Variants in CSNK1G3 observed in about 807,000 individuals in gnomAD.
The protein encoded by CSNK1G3 is casein kinase I isoform gamma-3.
A neutral mutation model predicts 64.3 loss-of-function variants in CSNK1G3; 23 were observed. The ratio of observed to expected loss-of-function variants is 0.36; its 90% confidence interval spans 0.26 to 0.51. The LOEUF (loss-of-function observed/expected upper bound fraction) is 0.51. Ranked by LOEUF, CSNK1G3 falls within the 20% of genes least tolerant of loss-of-function variation. The pLI, the probability that CSNK1G3 is intolerant of heterozygous loss-of-function variation, is 0.96. For missense variants in CSNK1G3, 357 were observed against 510.5 expected (o/e 0.70, Z 2.90); for synonymous variants, 158 against 162.2 (o/e 0.97, Z 0.20).
chr5:123,614,317 A>G (rs1176119295), intron 12 of CSNK1G3, 25 bp from the exon 14 acceptor site: 1 of 1,602,538 alleles, frequency 6.2e-7, no homozygotes, highest in Non-Finnish European at 8.5e-7. Context: ...TTTTAAAATA[A>G]AAAGAGTGTT....
chr5:123,531,043 A>G (rs1779844752), intron 1 of CSNK1G3, among the ~76,000 whole-genome samples: 1 of 152,096 alleles, frequency 6.6e-6, no homozygotes, highest in Non-Finnish European at 1.5e-5. Context: ...TATAATTTTT[A>G]TTGAGACTGA....
In CSNK1G3 at chr5:123,588,059, G is replaced by A. The variant is rs948984554; in HGVS notation, c.674-9G>A. On this transcript the variant is annotated splice_polypyrimidine_tract_variant and intron_variant, in intron 6 of 12. Transcript: ENST00000345990. ...GAAAAGTGAAATTTATATTTCTTTT[G>A]TATTTCAGAACAAAGTAGAAGAGAC... The A allele has an allele frequency of 6.6e-7, 1 of 1,512,750 alleles. No individual in the cohort carries two copies. Among genetic ancestry groups the A allele is most frequent in the Non-Finnish European group, 9.0e-7 (1 of 1,115,848 alleles). The allele number at this position is 1,512,750 out of a possible 1,614,324, so 93.7% of individuals were successfully genotyped here.
chr5:123,570,118 A>G (rs10052983), intron 4 of CSNK1G3, among the ~76,000 whole-genome samples: 36,352 of 152,032 alleles, frequency 0.24, 5,175 homozygotes, highest in East Asian at 0.5. Context: ...TCCCATAAAG[A>G]TATAGTATAT....
intron 12 of CSNK1G3, among the ~76,000 whole-genome samples, chr5:123,608,044 C>T (rs1795662970): frequency 6.6e-6 from 1 of 152,042 alleles, no homozygotes; most frequent in Non-Finnish European, 1.5e-5. Flanking sequence ...ATTTTCCTGC[C>T]CCAGCCCCCC....
intron 9 of CSNK1G3, 25 bp from the exon 10 acceptor site, chr5:123,591,294 G>A (rs371136920): frequency 6.0e-5 from 86 of 1,425,292 alleles, no homozygotes; most frequent in Middle Eastern, 1.8e-4. Context: ...GGAATGTATT[G>A]ATACCAATTG....
At chr5:123,591,476 T>G (rs1792350579) in intron 10 of CSNK1G3, 62 bp downstream of exon 10, 1 of 1,028,074 alleles carries the variant, frequency 9.7e-7, no homozygotes, top group East Asian at 2.6e-5. Context: ...ACTTTTTTCT[T>G]CAATAGATAA....
intron 1 of CSNK1G3, among the ~76,000 whole-genome samples, chr5:123,527,094 T>G (rs1779227150): frequency 6.6e-6 from 1 of 152,172 alleles, no homozygotes; most frequent in South Asian, 2.1e-4. Context: ...TTTGTTAGCT[T>G]GATTGCACAC....
At chr5:123,561,305 G>C (rs918714423) in intron 4 of CSNK1G3, among the ~76,000 whole-genome samples, 1 of 152,208 alleles carries the variant, frequency 6.6e-6, no homozygotes, top group African/African-American at 2.4e-5. Flanking sequence ...TCAGCACATA[G>C]ATGGTTTTTA....
At chr5:123,542,370 T>G (rs970572835) in intron 1 of CSNK1G3, among the ~76,000 whole-genome samples, 6 of 152,190 alleles carry the variant, frequency 3.9e-5, no homozygotes, top group Non-Finnish European at 8.8e-5. Context: ...ACTAAGAAAT[T>G]GTTTATGCTT....
At chr5:123,532,371 ATT>A (rs1307922109) in intron 1 of CSNK1G3, among the ~76,000 whole-genome samples, 1 of 151,842 alleles carries the variant, frequency 6.6e-6, no homozygotes, top group Non-Finnish European at 1.5e-5. Context: ...GCCCTAAATA[ATT>A]TTTTATAACA....
intron 10 of CSNK1G3, among the ~76,000 whole-genome samples, chr5:123,597,491 C>G (rs764023188): frequency 2.6e-5 from 4 of 152,086 alleles, no homozygotes; most frequent in Non-Finnish European, 2.9e-5. Context: ...TCATTGCAGT[C>G]TTTTCCTTGG....
chr5:123,595,743 T>G (rs1793317724), intron 10 of CSNK1G3, among the ~76,000 whole-genome samples: 1 of 152,064 alleles, frequency 6.6e-6, no homozygotes, highest in Non-Finnish European at 1.5e-5. Context: ...TTATTTATGA[T>G]TTGTTTCTTT....
chr5:123,525,855 G>A lies in CSNK1G3; in HGVS notation c.-248+13285G>A, dbSNP rs1384557454. On this transcript the variant is annotated intron_variant, in intron 1 of 12. Transcript: ENST00000345990. ...AAAAAAACAAACAAAAAAATTAGTCGGGCGTGGTGGCGGGCGCCTGTAGTC... is the reference window on the plus strand; with the variant it reads ...AAAAAAACAAACAAAAAAATTAGTCAGGCGTGGTGGCGGGCGCCTGTAGTC... Among the ~76,000 whole-genome samples, 8 of 151,642 alleles carry A rather than the reference G, an allele frequency of 5.3e-5. 1 individual carries two copies. The highest frequency in any genetic ancestry group is 7.3e-5 in the African/African-American group (3 of 41,306).
At chr5:123,528,172 C>T (rs1007984994) in intron 1 of CSNK1G3, among the ~76,000 whole-genome samples, 3 of 152,084 alleles carry the variant, frequency 2.0e-5, no homozygotes, top group Non-Finnish European at 2.9e-5. Context: ...TTGTGACCTC[C>T]TTTAGTGAAT....
At chr5:123,551,002 A>C (rs1465989469) in intron 2 of CSNK1G3, among the ~76,000 whole-genome samples, 1 of 152,206 alleles carries the variant, frequency 6.6e-6, no homozygotes, top group African/African-American at 2.4e-5. Flanking sequence ...CAAAGGTATG[A>C]AAGCCAACAA....
At chr5:123,519,174 A>T (rs147758070) in intron 1 of CSNK1G3, among the ~76,000 whole-genome samples, 1 of 151,488 alleles carries the variant, frequency 6.6e-6, no homozygotes, top group Admixed American at 6.6e-5. Flanking sequence ...CTGCCTCAGC[A>T]TCCTGAGTAG....
chr5:123,564,685 A>G (rs1220138550), intron 4 of CSNK1G3, among the ~76,000 whole-genome samples: 3 of 152,120 alleles, frequency 2.0e-5, no homozygotes, highest in African/African-American at 4.8e-5. Flanking sequence ...ATGTTAGAAT[A>G]ATTTCTAAAT....
At chr5:123,614,718 C>T (rs529205804) in exon 13 of CSNK1G3, 44 of 217,622 alleles carry the variant, frequency 2.0e-4, no homozygotes, top group Admixed American at 9.3e-4. Flanking sequence ...TTGTAGAAAG[C>T]AGTACAGTAT....
At chr5:123,539,957 A>G (rs1229822603) in intron 1 of CSNK1G3, among the ~76,000 whole-genome samples, 1 of 152,180 alleles carries the variant, frequency 6.6e-6, no homozygotes, top group Non-Finnish European at 1.5e-5. Flanking sequence ...TTTAGTATTT[A>G]TAGGATCATT....
Sources: allele counts gnomAD v4.1 joint callset (sites outside exome capture counted in the v4.1 genomes callset), GRCh38; gene constraint gnomAD v4.1.1; transcripts MANE v1.5; gene names NCBI Gene and HGNC (gene_info 2026-07-23, HGNC 2026-07-21).